The following RNH1 variants were observed in gnomAD, a reference collection of about 807,000 sequenced individuals.
RNH1 encodes ribonuclease inhibitor.
RNH1 carries 38 observed loss-of-function variants against 46.1 expected under a neutral mutation model. That is an observed-to-expected ratio of 0.82 (90% CI 0.64 to 1.08). The LOEUF is 1.08. Ranked by LOEUF, RNH1 falls within the 50% of genes least tolerant of loss-of-function variation. The pLI is 0.00. For missense variants in RNH1, 577 were observed against 590.7 expected (o/e 0.98, Z 0.24); for synonymous variants, 319 against 279.1 (o/e 1.14, Z -1.43).
rs779333627 is a variant in RNH1, at chr11:498,126, G to A, written c.972C>T (p.Ser324=). 6.2e-7 allele frequency: 1 copy of A among 1,613,588 alleles called. No individual in the cohort carries two copies. Among genetic ancestry groups the A allele is most frequent in the South Asian group, 1.1e-5 (1 of 91,066 alleles). ...QLESLWVKSC[S]FTAACCSHFS... is the part of the protein sequence containing the mutation. ...AGTGGGAGCAGCAGGCGGCTGTGAA[G>A]CTGCAGGACTTCACCCTGTGGACAC... Residue 324 remains serine, a synonymous_variant, in exon 9 of 11, where the codon AGC becomes AGT. Coordinates refer to ENST00000354420, the MANE Select transcript of RNH1 (RefSeq NM_203387.3).
At chr11:499,446 C>G in intron 5 of RNH1, 1 of 683,648 alleles carries the variant, frequency 1.5e-6, no homozygotes, top group South Asian at 1.5e-5. Flanking sequence ...AAACCAGCCT[C>G]TGGAGGGCAG....
intron 1 of RNH1, chr11:506,841 T>C (rs927924211): frequency 1.8e-4 from 28 of 152,264 alleles, no homozygotes; most frequent in African/African-American, 6.8e-4. Context: ...GGGCAAGGAC[T>C]TCCGGCAAGC....
chr11:501,018 C>T lies in RNH1; in HGVS notation c.102-364G>A. 2.7e-6 allele frequency: 1 copy of T among 370,072 alleles called. No individual in the cohort carries two copies. Among genetic ancestry groups the T allele is most frequent in the Non-Finnish European group, 5.3e-6 (1 of 190,144 alleles). 22.9% of individuals were successfully genotyped at this position (370,072 alleles called of 1,614,324 possible). A position where few individuals can be genotyped will look rare whatever the true frequency, so the allele number is the denominator to read the frequency against. ...TGGCGCATGCCCATAATCCCAGCTACTCGGGAGGCTGAGGCAGGAGGATCA... is the reference window on the plus strand; with the variant it reads ...TGGCGCATGCCCATAATCCCAGCTATTCGGGAGGCTGAGGCAGGAGGATCA... On this transcript the variant is annotated intron_variant, in intron 3 of 10. Transcript: ENST00000354420. This position sits in a 1 kb window ranked among gnomAD's most constrained non-coding sequence, Gnocchi z 4.1.
chr11:497,431 GCT>G (rs765848027), intron 9 of RNH1, among the ~76,000 whole-genome samples: 2 of 131,560 alleles, frequency 1.5e-5, no homozygotes, highest in East Asian at 2.5e-4. Context: ...GGACACTCAT[GCT>G]CTCTCGCCCA....
Position 502,270 on chromosome 11 carries a change from G to T in RNH1, c.-87-21C>A. 1.2e-6 allele frequency: 1 copy of T among 865,412 alleles called. No individual in the cohort carries two copies. The allele number at this position is 865,412 out of a possible 1,614,324, so 53.6% of individuals were successfully genotyped here. On this transcript the variant is annotated intron_variant, in intron 2 of 10. Coordinates refer to ENST00000354420, the MANE Select transcript of RNH1 (RefSeq NM_203387.3). The surrounding 1 kb of genome is among the most constrained non-coding windows in gnomAD (Gnocchi z 5.8). ...AGATTCTGCAAACAGGACCCACAGG[G>T]CTGATGTTTCAGGAGGAGCCGCAGC...
rs537455265 is a variant in RNH1 at position 494,567 on chromosome 11, A to G, written c.*124T>C. 9 of 828,428 alleles carry G rather than the reference A, an allele frequency of 1.1e-5. No homozygotes were observed. In the African/African-American group the frequency reaches 1.5e-4, roughly 14 times the overall value. 51.3% of individuals were successfully genotyped at this position (828,428 alleles called of 1,614,324 possible). A position where few individuals can be genotyped will look rare whatever the true frequency, so the allele number is the denominator to read the frequency against. ...AAGTGTCCAAAATATACTGGCAGAA[A>G]TAAGCGGATCTGAGCGTTTCTCTTC... On this transcript the variant is annotated 3_prime_UTR_variant, in exon 11 of 11. Transcript: ENST00000354420.
chr11:498,099 G>C lies in RNH1; in HGVS notation c.999C>G (p.Phe333Leu). 6.2e-7 allele frequency: 1 copy of C among 1,614,084 alleles called. No individual in the cohort carries two copies. Among genetic ancestry groups the C allele is most frequent in the Non-Finnish European group, 8.5e-7 (1 of 1,180,034 alleles). The change falls in exon 9 of 11, where the codon TTC becomes TTG. Residue 333 changes from phenylalanine to leucine, a missense_variant. Phe to Leu is a conservative substitution (Grantham distance 22). Transcript: ENST00000354420. ...ACCTGTTCTGGGCCAGCACTGAGCT[G>C]AAGTGGGAGCAGCAGGCGGCTGTGA... ...CSFTAACCSH[F>L]SSVLAQNRFL...
intron 4 of RNH1, chr11:500,271 T>C: frequency 1.5e-6 from 1 of 688,352 alleles, no homozygotes; most frequent in Non-Finnish European, 2.4e-6. Context: ...GGGCCAGATC[T>C]TGGGTGCGGG....
intron 4 of RNH1, chr11:500,278 C>CG: frequency 1.4e-6 from 1 of 696,492 alleles, no homozygotes; most frequent in Non-Finnish European, 2.4e-6. Context: ...ATCTTGGGTG[C>CG]GGGGGCTGGG....
chr11:494,838 C>T (rs1292376295), intron 10 of RNH1, 45 bp downstream of exon 10: 6 of 1,612,312 alleles, frequency 3.7e-6, no homozygotes, highest in Non-Finnish European at 5.1e-6. Context: ...CGCCTTCCTC[C>T]CTGGGCAGCC....
rs2133910456 is a variant in RNH1 at position 501,640 on chromosome 11, C to T, written c.101+422G>A. On this transcript the variant is annotated intron_variant, in intron 3 of 10. Coordinates refer to ENST00000354420, the MANE Select transcript of RNH1 (RefSeq NM_203387.3). The surrounding 1 kb of genome is among the most constrained non-coding windows in gnomAD (Gnocchi z 4.1). ...TGCGGCCCACCCAGGCACTCGTGTC[C>T]TGCTTGTGAAGCTGCTGGGTTTGTG... 5.3e-6 allele frequency: 1 copy of T among 188,708 alleles called. No individual in the cohort carries two copies. Among genetic ancestry groups the T allele is most frequent in the South Asian group, 1.2e-4 (1 of 8,090 alleles). 11.7% of individuals were successfully genotyped at this position (188,708 alleles called of 1,614,324 possible). A position where few individuals can be genotyped will look rare whatever the true frequency, so the allele number is the denominator to read the frequency against.
At chr11:504,054 C>T (rs892506093) in intron 2 of RNH1, among the ~76,000 whole-genome samples, 1 of 152,240 alleles carries the variant, frequency 6.6e-6, no homozygotes, top group Non-Finnish European at 1.5e-5. Flanking sequence ...AACAGAGGCC[C>T]TAACGGTCCC....
In RNH1 at chr11:505,263, T is replaced by A. The variant is rs191808165; in HGVS notation, c.-260-267A>T. On this transcript the variant is annotated intron_variant, in intron 1 of 10. Transcript: ENST00000354420. Reference sequence around the variant, plus strand: ...CTATTCTTATCGACAGTACATTTTTTAAAATAAGAATGGCCCTGAAAGATG... The same window carrying A: ...CTATTCTTATCGACAGTACATTTTTAAAAATAAGAATGGCCCTGAAAGATG... 51 of 152,322 alleles carry A rather than the reference T, an allele frequency of 3.3e-4. 1 individual carries two copies. The highest frequency in any genetic ancestry group is 1.5e-3 in the Admixed American group (23 of 15,298). The allele number at this position is 152,322 out of a possible 1,614,324, so 9.4% of individuals were successfully genotyped here. A position where few individuals can be genotyped will look rare whatever the true frequency, so the allele number is the denominator to read the frequency against.
intron 7 of RNH1, 42 bp downstream of exon 7, chr11:498,721 C>G (rs752244495): frequency 4.4e-5 from 70 of 1,589,598 alleles, no homozygotes; most frequent in Non-Finnish European, 5.2e-5. Context: ...GACGGCCCGC[C>G]GCCCGACCCT....
chr11:497,133 ACACT>A (rs71462086), intron 9 of RNH1, among the ~76,000 whole-genome samples: 13,342 of 143,968 alleles, frequency 0.093, 772 homozygotes, highest in Admixed American at 0.18. Flanking sequence ...CCATGTGCTC[ACACT>A]CACATGGACA....
chr11:495,386 A>C (rs1848965456), intron 9 of RNH1, among the ~76,000 whole-genome samples: 1 of 152,200 alleles, frequency 6.6e-6, no homozygotes, highest in Non-Finnish European at 1.5e-5. Context: ...TGGGCTTCAA[A>C]GGAGAAGCCA....
At position 502,130 on chromosome 11, in the gene RNH1, C is replaced by T. The variant is rs1199007024; in HGVS notation, c.33G>A (p.Gln11=). 8.0e-7 allele frequency: 1 copy of T among 1,252,052 alleles called. No individual in the cohort carries two copies. Among genetic ancestry groups the T allele is most frequent in the Non-Finnish European group, 1.1e-6 (1 of 884,412 alleles). 77.6% of individuals were successfully genotyped at this position (1,252,052 alleles called of 1,614,324 possible). The part of the protein sequence containing the change: MSLDIQSLDI[Q]CEELSDARWA... ...ATCTAGCGTCGCTCAGCTCCTCACA[C>T]TGGATGTCCAGGCTCTGGATGTCCA... is the stretch of plus-strand genomic sequence containing the variant. The change falls in exon 3 of 11, where the codon CAG becomes CAA. Residue 11 remains glutamine, a synonymous_variant. Transcript: ENST00000354420. This position sits in a 1 kb window ranked among gnomAD's most constrained non-coding sequence, Gnocchi z 5.8.
intron 9 of RNH1, among the ~76,000 whole-genome samples, chr11:496,548 G>A (rs576088284): frequency 1.3e-5 from 2 of 152,136 alleles, no homozygotes; most frequent in Non-Finnish European, 2.9e-5. Flanking sequence ...GGGCGCCTGT[G>A]GTCCCAGCTA....
chr11:501,430 C>G lies in RNH1; in HGVS notation c.101+632G>C. Reference sequence around the variant, plus strand: ...AGGAGACAGAGGGCTGAGGGCCACGCAATCCTGGACCAGTGAGGAAGACGA... The same window carrying G: ...AGGAGACAGAGGGCTGAGGGCCACGGAATCCTGGACCAGTGAGGAAGACGA... On this transcript the variant is annotated intron_variant, in intron 3 of 10. Coordinates refer to ENST00000354420, the MANE Select transcript of RNH1 (RefSeq NM_203387.3). This position sits in a 1 kb window ranked among gnomAD's most constrained non-coding sequence, Gnocchi z 4.1. The G allele has an allele frequency of 6.3e-6, 1 of 159,066 alleles. No homozygotes were observed. The highest frequency in any genetic ancestry group is 1.4e-5 in the Non-Finnish European group (1 of 71,886). 9.9% of individuals were successfully genotyped at this position (159,066 alleles called of 1,614,324 possible). A position where few individuals can be genotyped will look rare whatever the true frequency, so the allele number is the denominator to read the frequency against.
Sources: allele counts gnomAD v4.1 joint callset (sites outside exome capture counted in the v4.1 genomes callset), GRCh38; gene constraint gnomAD v4.1.1; non-coding constraint Gnocchi (gnomAD v3.1); transcripts MANE v1.5; gene names NCBI Gene and HGNC (gene_info 2026-07-23, HGNC 2026-07-21).